The following TLL1 variants were observed in gnomAD, a reference collection of about 807,000 sequenced individuals.
TLL1 encodes the protein tolloid-like protein 1.
Under a neutral mutation model 128.2 loss-of-function variants are expected in TLL1, and 49 were observed. That is an observed-to-expected ratio of 0.38 (90% CI 0.30 to 0.48). The LOEUF (loss-of-function observed/expected upper bound fraction) is 0.48. TLL1 is among the 20% of genes least tolerant of loss of function. The pLI, the probability that TLL1 is intolerant of heterozygous loss-of-function variation, is 0.96. For missense variants in TLL1, 1,123 were observed against 1,242.0 expected (o/e 0.90, Z 1.44); for synonymous variants, 454 against 418.8 (o/e 1.08, Z -1.03).
intron 12 of TLL1, chr4:166,053,385 GT>G (rs1739848248): frequency 6.6e-6 from 1 of 151,898 alleles, no homozygotes; most frequent in African/African-American, 2.4e-5. Context: ...TATTTATTTT[GT>G]TTATTGTTGC....
intron 9 of TLL1, chr4:166,030,395 C>A (rs1738710468): frequency 4.5e-6 from 2 of 442,746 alleles, no homozygotes; most frequent in Non-Finnish European, 8.1e-6. Flanking sequence ...TTTATATATT[C>A]TGGTTATTAA....
chr4:165,985,356 T>A (rs996388449), intron 1 of TLL1, among the ~76,000 whole-genome samples: 3 of 152,024 alleles, frequency 2.0e-5, no homozygotes, highest in Admixed American at 1.3e-4. Flanking sequence ...ATCTTAGTGT[T>A]AATTCAAATA....
chr4:166,031,073 G>T (rs966393945), intron 9 of TLL1: 6 of 849,690 alleles, frequency 7.1e-6, no homozygotes, highest in Non-Finnish European at 8.5e-6. Context: ...AATGAACAAA[G>T]AATTACTCAT....
chr4:166,060,302 T>C (rs2111117933), intron 15 of TLL1, 114 bp downstream of exon 15: 1 of 1,175,752 alleles, frequency 8.5e-7, no homozygotes, highest in Non-Finnish European at 1.2e-6. Context: ...TTGTATTCTT[T>C]CTTTGTCTTA....
intron 9 of TLL1, among the ~76,000 whole-genome samples, chr4:166,028,025 A>G (rs975468277): frequency 1.3e-5 from 2 of 152,096 alleles, no homozygotes; most frequent in African/African-American, 4.8e-5. Flanking sequence ...CCAGTGAACA[A>G]TTTTAACTCA....
chr4:165,927,266 T>A (rs190432805), intron 1 of TLL1, among the ~76,000 whole-genome samples: 86 of 152,332 alleles, frequency 5.6e-4, no homozygotes, highest in Middle Eastern at 3.4e-3. Context: ...TAGGCGATGT[T>A]GTGTAGTAAT....
chr4:166,086,803 GA>G (rs1453377114), intron 18 of TLL1, among the ~76,000 whole-genome samples: 3 of 152,098 alleles, frequency 2.0e-5, no homozygotes, highest in Non-Finnish European at 4.4e-5. Context: ...AGCTGTAGAA[GA>G]ATAAATTTGT....
chr4:165,885,219 A>G (rs1221976696), intron 1 of TLL1, among the ~76,000 whole-genome samples: 1 of 152,038 alleles, frequency 6.6e-6, no homozygotes, highest in Non-Finnish European at 1.5e-5. Flanking sequence ...TGCCCTCAGG[A>G]CATCCTTTGG....
At chr4:165,992,682 T>A (rs1342107014) in intron 2 of TLL1, 122 bp from the exon 3 acceptor site, 9 of 874,114 alleles carry the variant, frequency 1.0e-5, no homozygotes, top group Non-Finnish European at 3.7e-6. Context: ...TATTCATAAT[T>A]TCAACACTTT....
intron 1 of TLL1, chr4:165,919,883 C>A (rs1367292290): frequency 1.1e-5 from 5 of 454,194 alleles, no homozygotes; most frequent in Non-Finnish European, 2.2e-5. Context: ...GCTGCCCGAG[C>A]CCTTGAAGTT....
At chr4:166,070,606 A>G (rs1380861037) in intron 16 of TLL1, among the ~76,000 whole-genome samples, 16 of 151,942 alleles carry the variant, frequency 1.1e-4, no homozygotes, top group Non-Finnish European at 2.2e-4. Context: ...GGACTTGCTC[A>G]AGGACAGAAA....
chr4:165,941,667 GAA>G (rs1561043290), intron 1 of TLL1, among the ~76,000 whole-genome samples: 3 of 152,006 alleles, frequency 2.0e-5, no homozygotes, highest in African/African-American at 7.2e-5. Flanking sequence ...CATTTGAAAA[GAA>G]ACTTAAAATT....
chr4:166,016,365 A>C (rs554941121), intron 8 of TLL1, among the ~76,000 whole-genome samples: 5 of 152,232 alleles, frequency 3.3e-5, no homozygotes, highest in Non-Finnish European at 7.4e-5. Flanking sequence ...CTTTGTGTAT[A>C]AAACTCTCTT....
intron 4 of TLL1, 34 bp from the exon 5 acceptor site, chr4:165,995,027 C>A: frequency 1.9e-6 from 3 of 1,565,970 alleles, no homozygotes; most frequent in Non-Finnish European, 2.6e-6. Flanking sequence ...CCTGGGGATG[C>A]CACCTTTTCA....
intron 1 of TLL1, among the ~76,000 whole-genome samples, chr4:165,901,752 C>A (rs1018580272): frequency 1.3e-5 from 2 of 152,206 alleles, no homozygotes; most frequent in African/African-American, 4.8e-5. Context: ...CAGTCTGTTC[C>A]TTAGCAGAGC....
At position 165,994,140 on chromosome 4, in the gene TLL1, T is replaced by C. The variant is rs1736759924; in HGVS notation, c.362-241T>C. 3.3e-5 allele frequency among the ~76,000 whole-genome samples: 5 copies of C among 152,168 alleles called. No homozygotes were observed. In the South Asian group the frequency reaches 1.0e-3, roughly 32 times the overall value. On this transcript the variant is annotated intron_variant, in intron 3 of 20. Coordinates refer to ENST00000061240, the MANE Select transcript of TLL1 (RefSeq NM_012464.5). The stretch of plus-strand genomic sequence containing the variant: ...TATCCACTTTAGGCTGTTGTATGGA[T>C]ATCCAACAAAATTCACTCACAGAAC...
chr4:165,877,693 C>A (rs956919270), intron 1 of TLL1, among the ~76,000 whole-genome samples: 2 of 151,968 alleles, frequency 1.3e-5, no homozygotes, highest in African/African-American at 4.8e-5. Context: ...TAACACATAC[C>A]CTTCCTTCTC....
At chr4:165,969,822 T>A (rs1470095665) in intron 1 of TLL1, among the ~76,000 whole-genome samples, 2 of 152,168 alleles carry the variant, frequency 1.3e-5, no homozygotes, top group Admixed American at 6.5e-5. Context: ...TTTATTAACT[T>A]ATTAAAGTTT....
intron 1 of TLL1, among the ~76,000 whole-genome samples, chr4:165,937,514 A>G (rs1733818859): frequency 6.6e-6 from 1 of 152,182 alleles, no homozygotes; most frequent in Non-Finnish European, 1.5e-5. Flanking sequence ...TAATTGTCAG[A>G]GCTTATAGCT....
Sources: gnomAD v4.1 joint callset for allele counts (sites outside exome capture counted in the v4.1 genomes callset) on GRCh38, gnomAD v4.1.1 for gene constraint, MANE v1.5 for transcripts, NCBI Gene and HGNC (gene_info 2026-07-23, HGNC 2026-07-21) for gene names.